Variants in BPNT2 observed in about 807,000 individuals in gnomAD.
The protein encoded by BPNT2 is 3'(2'), 5'-bisphosphate nucleotidase 2.
In BPNT2, 11 loss-of-function variants were observed where a neutral mutation model predicts 29.3. The observed-to-expected ratio is 0.38, with a 90% confidence interval of 0.24 to 0.62. The LOEUF (loss-of-function observed/expected upper bound fraction) is 0.62, where lower values mean the gene tolerates loss of function less well. Among genes scored for constraint, BPNT2 ranks in the 20% least tolerant of loss-of-function variants. BPNT2 has a pLI of 0.62. For missense variants in BPNT2, 459 were observed against 473.4 expected (o/e 0.97, Z 0.28); for synonymous variants, 195 against 187.7 (o/e 1.04, Z -0.32).
Position 56,962,731 on chromosome 8 carries a change from A to G in BPNT2, c.*1062T>C, listed in dbSNP as rs1805858309. ...TTTGGGTAGGCTAGATACATTTATT[A>G]ATAGTAAAAGCAACCATGGCAAAAG... On this transcript the variant is annotated 3_prime_UTR_variant, in exon 5 of 5. Coordinates refer to ENST00000262644, the MANE Select transcript of BPNT2 (RefSeq NM_017813.5). 6.6e-6 allele frequency: 1 copy of G among 152,172 alleles called. No homozygotes were observed. The highest frequency in any genetic ancestry group is 6.5e-5 in the Admixed American group (1 of 15,284). The allele number at this position is 152,172 out of a possible 1,614,324, so 9.4% of individuals were successfully genotyped here.
rs1410047166 is a variant in BPNT2 at position 56,967,304 on chromosome 8, T to C, written c.647-952A>G. The C allele has an allele frequency of 1.1e-5, 5 of 453,466 alleles. No homozygotes were observed. In the East Asian group the frequency reaches 2.8e-4, roughly 25 times the overall value. 28.1% of individuals were successfully genotyped at this position (453,466 alleles called of 1,614,324 possible). ...ATGGCAGTCTCCTGGACTCTTCTCA[T>C]ACCTCCTTCTAAAAACTATACACAG... On this transcript the variant is annotated intron_variant, in intron 3 of 4. Transcript: ENST00000262644.
At position 56,960,715 on chromosome 8, in the gene BPNT2, A is replaced by C. The variant is rs557738105; in HGVS notation, c.*3078T>G. ...ATGCATATCTACCCAACTCTCTTGT[A>C]TTTTTTTTTACATTTACATTCTTGA... On this transcript the variant is annotated 3_prime_UTR_variant, in exon 5 of 5. Transcript: ENST00000262644. 4.4e-4 allele frequency: 67 copies of C among 151,484 alleles called. No homozygotes were observed. The highest frequency in any genetic ancestry group is 1.5e-3 in the African/African-American group (63 of 41,334). 9.4% of individuals were successfully genotyped at this position (151,484 alleles called of 1,614,324 possible). A position where few individuals can be genotyped will look rare whatever the true frequency, so the allele number is the denominator to read the frequency against.
intron 1 of BPNT2, among the ~76,000 whole-genome samples, chr8:56,991,823 G>A (rs1187140560): frequency 2.6e-5 from 4 of 152,086 alleles, no homozygotes; most frequent in Admixed American, 2.6e-4. Flanking sequence ...AAGGAAACAC[G>A]TATGTTTTGG....
intron 3 of BPNT2, 24 bp from the exon 4 acceptor site, chr8:56,966,376 T>A (rs369140097): frequency 6.2e-7 from 1 of 1,604,686 alleles, no homozygotes; most frequent in African/African-American, 1.3e-5. Context: ...ATAATATCCA[T>A]TAATGGCACT....
Position 56,966,242 on chromosome 8 carries a change from C to T in BPNT2, c.757G>A (p.Ala253Thr), listed in dbSNP as rs747764009. The change falls in exon 4 of 5, where the codon GCT becomes ACT. Residue 253 changes from alanine (A) to threonine (T), a missense_variant. Transcript: ENST00000262644. ...RSHSGMVKQVALQTFGNQTTI... is the reference protein window; with the variant it reads ...RSHSGMVKQVTLQTFGNQTTI... ...GTCTGGTTTCCAAAAGTCTGAAGAGCGACCTGTTTGACCATCCCTGAATGG... is the reference window on the plus strand; with the variant it reads ...GTCTGGTTTCCAAAAGTCTGAAGAGTGACCTGTTTGACCATCCCTGAATGG... 9.9e-6 allele frequency: 16 copies of T among 1,613,980 alleles called. No individual in the cohort carries two copies. The highest frequency in any genetic ancestry group is 1.3e-5 in the African/African-American group (1 of 74,902).
chr8:56,977,627 AC>A (rs11313074), intron 3 of BPNT2, among the ~76,000 whole-genome samples: 7,098 of 152,202 alleles, frequency 0.047, 451 homozygotes, highest in African/African-American at 0.14. Context: ...TGGCAGATGT[AC>A]TACGTTGAGA....
At chr8:56,964,708 T>TACG (rs1176997933) in intron 4 of BPNT2, among the ~76,000 whole-genome samples, 1 of 152,242 alleles carries the variant, frequency 6.6e-6, no homozygotes, top group African/African-American at 2.4e-5. Flanking sequence ...ACACATTCAT[T>TACG]ACGTGCCATT....
At chr8:56,974,144 G>A (rs988898763) in intron 3 of BPNT2, among the ~76,000 whole-genome samples, 1 of 152,056 alleles carries the variant, frequency 6.6e-6, no homozygotes, top group African/African-American at 2.4e-5. Context: ...TTTATTGTAA[G>A]AAACAGTACA....
At chr8:56,975,082 A>T (rs756617426) in intron 3 of BPNT2, among the ~76,000 whole-genome samples, 5 of 152,206 alleles carry the variant, frequency 3.3e-5, no homozygotes, top group Non-Finnish European at 4.4e-5. Context: ...ACTTCAAGAT[A>T]TTTTTTTCCT....
intron 3 of BPNT2, among the ~76,000 whole-genome samples, chr8:56,968,367 G>C (rs938785021): frequency 1.4e-5 from 2 of 147,200 alleles, no homozygotes; most frequent in African/African-American, 5.0e-5. Flanking sequence ...AGATAAAAGG[G>C]ATCACAGAGA....
chr8:56,980,819 T>TATACACACACACACACACAC (rs755705861), intron 1 of BPNT2, among the ~76,000 whole-genome samples: 15 of 141,506 alleles, frequency 1.1e-4, no homozygotes, highest in Admixed American at 7.8e-4. Flanking sequence ...TACATACATA[T>TATACACACACACACACACAC]ACACACACAC....
At chr8:56,976,986 AG>A (rs1806151574) in intron 3 of BPNT2, among the ~76,000 whole-genome samples, 1 of 152,194 alleles carries the variant, frequency 6.6e-6, no homozygotes, top group African/African-American at 2.4e-5. Flanking sequence ...GATAGCTCAC[AG>A]ATAGAACTTT....
chr8:56,993,632 A>G lies in BPNT2; in HGVS notation c.-47T>C, dbSNP rs1585571994. The G allele has an allele frequency of 1.6e-6, 2 of 1,256,132 alleles. No individual in the cohort carries two copies. Among genetic ancestry groups the G allele is most frequent in the Non-Finnish European group, 2.0e-6 (2 of 1,001,380 alleles). 77.8% of individuals were successfully genotyped at this position (1,256,132 alleles called of 1,614,324 possible). A position where few individuals can be genotyped will look rare whatever the true frequency, so the allele number is the denominator to read the frequency against. On this transcript the variant is annotated 5_prime_UTR_variant, in exon 1 of 5. Coordinates refer to ENST00000262644, the MANE Select transcript of BPNT2 (RefSeq NM_017813.5). ...CGGGCTGCGGCTCTCACAGGCCTCC[A>G]GCGCCCGCCGCCGCCGCCGCCGCAG...
At chr8:56,990,431 A>G (rs1023408073) in intron 1 of BPNT2, among the ~76,000 whole-genome samples, 4 of 152,200 alleles carry the variant, frequency 2.6e-5, no homozygotes, top group African/African-American at 7.2e-5. Context: ...CTTTGACACA[A>G]TGAAGTCAAG....
intron 1 of BPNT2, among the ~76,000 whole-genome samples, chr8:56,989,248 T>C (rs1327604041): frequency 1.3e-5 from 2 of 152,010 alleles, no homozygotes; most frequent in Non-Finnish European, 1.5e-5. Context: ...TGGCGGCACC[T>C]GTAGTCCCAG....
chr8:56,975,253 C>T (rs1806113249), intron 3 of BPNT2, among the ~76,000 whole-genome samples: 1 of 152,136 alleles, frequency 6.6e-6, no homozygotes, highest in Non-Finnish European at 1.5e-5. Context: ...GAGTCAGATC[C>T]TTATACGTAT....
intron 1 of BPNT2, among the ~76,000 whole-genome samples, chr8:56,991,417 A>G (rs1371777007): frequency 6.6e-6 from 1 of 152,258 alleles, no homozygotes; most frequent in East Asian, 1.9e-4. Context: ...TTGTTTGCTA[A>G]TAAATGAGAA....
chr8:56,976,822 G>T (rs899874150), intron 3 of BPNT2, among the ~76,000 whole-genome samples: 13 of 152,152 alleles, frequency 8.5e-5, no homozygotes, highest in African/African-American at 3.1e-4. Flanking sequence ...AACGATGGTA[G>T]TATGGGATGC....
chr8:56,963,124 AAAAAC>A lies in BPNT2; in HGVS notation c.*664_*668del, dbSNP rs1406585082. On this transcript the variant is annotated 3_prime_UTR_variant, in exon 5 of 5. Coordinates refer to ENST00000262644, the MANE Select transcript of BPNT2 (RefSeq NM_017813.5). Reference sequence around the variant, plus strand: ...TGGGTACAAACACACTTTTCTTTATAAAAACAAAACAACACACACACATACACACA... The same window carrying A: ...TGGGTACAAACACACTTTTCTTTATAAAAACAACACACACACATACACACA... 2 of 152,276 alleles carry A rather than the reference AAAAAC, an allele frequency of 1.3e-5. No homozygotes were observed. Among genetic ancestry groups the A allele is most frequent in the Non-Finnish European group, 2.9e-5 (2 of 68,062 alleles). The allele number at this position is 152,276 out of a possible 1,614,324, so 9.4% of individuals were successfully genotyped here. A position where few individuals can be genotyped will look rare whatever the true frequency, so the allele number is the denominator to read the frequency against.
Sources: gnomAD v4.1 joint callset for allele counts (sites outside exome capture counted in the v4.1 genomes callset) on GRCh38, gnomAD v4.1.1 for gene constraint, MANE v1.5 for transcripts, NCBI Gene and HGNC (gene_info 2026-07-23, HGNC 2026-07-21) for gene names.